The following PPP3CA variants were observed in gnomAD, a reference collection of about 807,000 sequenced individuals.
PPP3CA encodes protein phosphatase 3 catalytic subunit alpha.
In PPP3CA, 14 loss-of-function variants were observed where a neutral mutation model predicts 66.5. That is an observed-to-expected ratio of 0.21 (90% CI 0.14 to 0.33). PPP3CA has a LOEUF of 0.33. Among genes scored for constraint, PPP3CA ranks in the 10% least tolerant of loss-of-function variants. PPP3CA has a pLI of 1.00. For missense variants in PPP3CA, 317 were observed against 639.5 expected, an observed-to-expected ratio of 0.50 and a Z score of 5.44; for synonymous variants, 232 against 226.2, an observed-to-expected ratio of 1.03 and a Z score of -0.23.
intron 1 of PPP3CA, among the ~76,000 whole-genome samples, chr4:101,303,391 AT>A (rs1363114369): frequency 1.3e-5 from 2 of 152,084 alleles, no homozygotes; most frequent in Non-Finnish European, 2.9e-5. Context: ...GCATTTTTGT[AT>A]TTTTTTCAGC....
At chr4:101,047,900 CCTAA>C (rs1257736892) in intron 10 of PPP3CA, among the ~76,000 whole-genome samples, 28 of 151,820 alleles carry the variant, frequency 1.8e-4, no homozygotes, top group East Asian at 3.9e-4. Flanking sequence ...CTCTTTAGTT[CCTAA>C]CTGAGATAGA....
At chr4:101,187,179 T>G (rs1170084517) in intron 2 of PPP3CA, among the ~76,000 whole-genome samples, 1 of 152,168 alleles carries the variant, frequency 6.6e-6, no homozygotes, top group Non-Finnish European at 1.5e-5. Context: ...CATTAGGTGA[T>G]ACACCTCAGG....
At chr4:101,216,104 G>A (rs1423935183) in intron 1 of PPP3CA, among the ~76,000 whole-genome samples, 4 of 151,978 alleles carry the variant, frequency 2.6e-5, no homozygotes, top group Admixed American at 1.3e-4. Context: ...TAAAAATTAC[G>A]GTGCTTTTTG....
At chr4:101,089,367 G>A (rs1365521587) in intron 6 of PPP3CA, among the ~76,000 whole-genome samples, 1 of 150,174 alleles carries the variant, frequency 6.7e-6, no homozygotes, top group Non-Finnish European at 1.5e-5. Flanking sequence ...TGATAAGAGT[G>A]TCAACTGCTG....
chr4:101,340,042 C>T (rs911569630), intron 1 of PPP3CA, among the ~76,000 whole-genome samples: 5 of 152,190 alleles, frequency 3.3e-5, no homozygotes, highest in Non-Finnish European at 5.9e-5. Flanking sequence ...ATAAATAAAA[C>T]TCTCTCTTTG....
chr4:101,064,927 T>C (rs1428153601), intron 8 of PPP3CA, among the ~76,000 whole-genome samples: 2 of 152,082 alleles, frequency 1.3e-5, no homozygotes, highest in East Asian at 3.8e-4. Flanking sequence ...TACTTGTGAA[T>C]GGTAAGGCCT....
At chr4:101,210,547 G>A (rs774002615) in intron 1 of PPP3CA, among the ~76,000 whole-genome samples, 13 of 152,130 alleles carry the variant, frequency 8.5e-5, no homozygotes, top group African/African-American at 1.7e-4. Context: ...AATTTCATAA[G>A]TATTCCTTAT....
chr4:101,140,513 T>C (rs1168023677), intron 2 of PPP3CA, among the ~76,000 whole-genome samples: 1 of 152,160 alleles, frequency 6.6e-6, no homozygotes, highest in African/African-American at 2.4e-5. Flanking sequence ...CACTTTCTTT[T>C]CCCCTCTTCT....
intron 2 of PPP3CA, among the ~76,000 whole-genome samples, chr4:101,175,374 G>T (rs1724026154): frequency 6.6e-6 from 1 of 152,140 alleles, no homozygotes; most frequent in South Asian, 2.1e-4. Context: ...GGTAATTCTT[G>T]TACCTTGTTA....
chr4:101,296,140 G>A (rs1444524804), intron 1 of PPP3CA, among the ~76,000 whole-genome samples: 1 of 152,086 alleles, frequency 6.6e-6, no homozygotes, highest in Non-Finnish European at 1.5e-5. Flanking sequence ...CTAAATGGTA[G>A]CACAAAAGGA....
intron 8 of PPP3CA, among the ~76,000 whole-genome samples, chr4:101,079,430 G>C (rs145711408): frequency 0.052 from 7,826 of 149,766 alleles, 734 homozygotes; most frequent in African/African-American, 0.18. Context: ...CCAGGCTGGA[G>C]TACAGTGGTG....
At chr4:101,049,293 A>G (rs1727907336) in intron 10 of PPP3CA, among the ~76,000 whole-genome samples, 1 of 152,174 alleles carries the variant, frequency 6.6e-6, no homozygotes, top group African/African-American at 2.4e-5. Flanking sequence ...GGAACTTTCC[A>G]TTGATTTTTC....
At chr4:101,277,203 A>C (rs943885823) in intron 1 of PPP3CA, among the ~76,000 whole-genome samples, 1 of 152,114 alleles carries the variant, frequency 6.6e-6, no homozygotes, top group African/African-American at 2.4e-5. Context: ...ATTGACATCT[A>C]AGTTTTCTCC....
intron 9 of PPP3CA, among the ~76,000 whole-genome samples, chr4:101,061,531 C>G (rs1180882142): frequency 6.6e-6 from 1 of 152,038 alleles, no homozygotes; most frequent in Non-Finnish European, 1.5e-5. Flanking sequence ...AACTTCTGTT[C>G]AGTAGGGACT....
intron 2 of PPP3CA, among the ~76,000 whole-genome samples, chr4:101,184,007 T>C (rs28678322): frequency 0.035 from 5,338 of 152,182 alleles, 324 homozygotes; most frequent in African/African-American, 0.12. Context: ...AAGCTCACAA[T>C]TATGGGAAGA....
intron 1 of PPP3CA, among the ~76,000 whole-genome samples, chr4:101,271,104 A>C (rs1362770310): frequency 1.3e-5 from 2 of 152,092 alleles, no homozygotes; most frequent in Non-Finnish European, 2.9e-5. Flanking sequence ...CATCACACAC[A>C]GAAACTGTTC....
intron 1 of PPP3CA, among the ~76,000 whole-genome samples, chr4:101,320,493 TACACAC>T (rs147488680): frequency 6.3e-5 from 9 of 143,172 alleles, no homozygotes; most frequent in African/African-American, 7.7e-5. Flanking sequence ...TGTGTGTGTA[TACACAC>T]ACACACACAC....
chr4:101,222,148 C>T (rs533790076), intron 1 of PPP3CA, among the ~76,000 whole-genome samples: 1 of 151,620 alleles, frequency 6.6e-6, no homozygotes, highest in South Asian at 2.1e-4. Flanking sequence ...CTTTTTAAGA[C>T]CACTGGAAAA....
chr4:101,098,386 G>C lies in PPP3CA; in HGVS notation c.623C>G (p.Thr208Ser). The C allele has an allele frequency of 6.2e-7, 1 of 1,608,740 alleles. No individual in the cohort carries two copies. Among genetic ancestry groups the C allele is most frequent in the Non-Finnish European group, 8.5e-7 (1 of 1,178,006 alleles). ...VHGGLSPEIN[T>S]LDDIRKLDRF... ...ACTTACTTTTCTGATATCATCTAAA[G>C]TGTTAATCTCTGGAGACAAACCACC... Residue 208 changes from threonine (T) to serine (S), a missense_variant, in exon 5 of 14, where the codon ACT (threonine) becomes AGT (serine). Physicochemically the swap from Thr to Ser is moderately conservative, Grantham distance 58 (BLOSUM62 1). Coordinates refer to ENST00000394854, the MANE Select transcript of PPP3CA (RefSeq NM_000944.5).
Sources: gnomAD v4.1 joint callset for allele counts (sites outside exome capture counted in the v4.1 genomes callset) on GRCh38, gnomAD v4.1.1 for gene constraint, MANE v1.5 for transcripts, NCBI Gene and HGNC (gene_info 2026-07-23, HGNC 2026-07-21) for gene names.